TTLL11: variants seen among roughly 807,000 people sequenced by gnomAD.
TTLL11 encodes tubulin polyglutamylase TTLL11.
A neutral mutation model predicts 51.7 loss-of-function variants in TTLL11; 42 were observed. That is an observed-to-expected ratio of 0.81 (90% CI 0.64 to 1.05). The LOEUF is 1.05. Ranked by LOEUF, TTLL11 falls within the 50% of genes least tolerant of loss-of-function variation. TTLL11 has a pLI of 0.00. For missense variants in TTLL11, 799 were observed against 940.4 expected, an observed-to-expected ratio of 0.85 and a Z score of 1.97; for synonymous variants, 381 against 383.5, an observed-to-expected ratio of 0.99 and a Z score of 0.08.
At chr9:121,916,120 G>T (rs1462639151) in intron 6 of TTLL11, among the ~76,000 whole-genome samples, 1 of 151,684 alleles carries the variant, frequency 6.6e-6, no homozygotes, top group Non-Finnish European at 1.5e-5. Flanking sequence ...ATTATAAAAA[G>T]AATGAAAATG....
intron 4 of TTLL11, among the ~76,000 whole-genome samples, chr9:121,985,693 A>G (rs1275675025): frequency 6.6e-6 from 1 of 150,498 alleles, no homozygotes; most frequent in Non-Finnish European, 1.5e-5. Context: ...ATTTTTTGTA[A>G]TTTTTTTTAG....
At chr9:121,882,111 G>A (rs973055120) in intron 6 of TTLL11, among the ~76,000 whole-genome samples, 1 of 152,208 alleles carries the variant, frequency 6.6e-6, no homozygotes, top group African/African-American at 2.4e-5. Context: ...AGTGTTAGCT[G>A]CTGTGACTGA....
intron 6 of TTLL11, among the ~76,000 whole-genome samples, chr9:121,886,941 GTAT>G (rs1374630946): frequency 4.6e-5 from 7 of 152,196 alleles, no homozygotes; most frequent in African/African-American, 1.7e-4. Flanking sequence ...GCCACAGGGA[GTAT>G]CTCCCTTTGA....
intron 1 of TTLL11, among the ~76,000 whole-genome samples, chr9:122,046,784 T>C (rs1845016811): frequency 1.3e-5 from 2 of 152,048 alleles, no homozygotes; most frequent in Admixed American, 1.3e-4. Flanking sequence ...CCTCAGGAGA[T>C]AGAGATGAGG....
chr9:121,846,986 G>A (rs4446794), intron 8 of TTLL11, among the ~76,000 whole-genome samples: 79,837 of 152,024 alleles, frequency 0.53, 21,721 homozygotes, highest in East Asian at 0.72. Flanking sequence ...CGAGGCGGGC[G>A]GATCACGAGG....
chr9:121,909,048 A>T (rs144197592), intron 6 of TTLL11, among the ~76,000 whole-genome samples: 119 of 152,302 alleles, frequency 7.8e-4, no homozygotes, highest in African/African-American at 2.8e-3. Flanking sequence ...CATTCAACCC[A>T]TAACAGTTAG....
intron 4 of TTLL11, among the ~76,000 whole-genome samples, chr9:121,986,442 T>G (rs759099420): frequency 6.6e-6 from 1 of 152,226 alleles, no homozygotes; most frequent in Non-Finnish European, 1.5e-5. Flanking sequence ...TTGCAACTTA[T>G]CTCCTTGACC....
chr9:122,023,648 C>A (rs1844240183), intron 3 of TTLL11, among the ~76,000 whole-genome samples: 1 of 151,310 alleles, frequency 6.6e-6, no homozygotes, highest in Non-Finnish European at 1.5e-5. Flanking sequence ...ATTTAAAAAT[C>A]AACCAATGTA....
intron 3 of TTLL11, among the ~76,000 whole-genome samples, chr9:122,000,471 CAAAAAAAA>C (rs57775265): frequency 1.3e-4 from 3 of 22,820 alleles, no homozygotes; most frequent in South Asian, 2.7e-3. Flanking sequence ...GACTCCGTCG[CAAAAAAAA>C]AAAAAAAAAA....
intron 6 of TTLL11, among the ~76,000 whole-genome samples, chr9:121,891,092 C>A (rs1216601278): frequency 6.6e-6 from 1 of 152,216 alleles, no homozygotes; most frequent in Non-Finnish European, 1.5e-5. Flanking sequence ...CTGTTTTTAA[C>A]CCCTTTTGAA....
chr9:121,895,169 T>C (rs1485545288), intron 6 of TTLL11, among the ~76,000 whole-genome samples: 1 of 152,236 alleles, frequency 6.6e-6, no homozygotes, highest in Non-Finnish European at 1.5e-5. Flanking sequence ...CCTACAGAGT[T>C]TTCAGAATCC....
chr9:121,851,021 T>C (rs939977323), intron 8 of TTLL11, among the ~76,000 whole-genome samples: 2 of 151,958 alleles, frequency 1.3e-5, no homozygotes, highest in African/African-American at 4.8e-5. Context: ...TAAAAAGAAA[T>C]GAGCTGGCAA....
intron 7 of TTLL11, among the ~76,000 whole-genome samples, chr9:121,867,967 T>C (rs1838230594): frequency 6.6e-6 from 1 of 152,092 alleles, no homozygotes; most frequent in Non-Finnish European, 1.5e-5. Context: ...TAGCATAACT[T>C]TGAGATAGAA....
rs1046843828 is a variant in TTLL11 at position 121,932,137 on chromosome 9, C to A, written c.1481+41872G>T. 2.0e-5 allele frequency among the ~76,000 whole-genome samples: 3 copies of A among 152,118 alleles called. No homozygotes were observed. The East Asian group carries it at 5.8e-4, about 29-fold the overall frequency. ...CTGCATATTCTATTTATCTCCATTA[C>A]GAGCCTATGAGTTCTTGAGAGTTGA... On this transcript the variant is annotated intron_variant, in intron 6 of 8. Transcript: ENST00000321582.
At chr9:122,020,345 A>T (rs13297079) in intron 3 of TTLL11, among the ~76,000 whole-genome samples, 55,770 of 152,044 alleles carry the variant, frequency 0.37, 11,453 homozygotes, top group African/African-American at 0.55. Context: ...GCCCTGTCCA[A>T]CCCTGCTCCC....
At chr9:121,886,575 C>G (rs936362164) in intron 6 of TTLL11, among the ~76,000 whole-genome samples, 1 of 152,144 alleles carries the variant, frequency 6.6e-6, no homozygotes, top group Non-Finnish European at 1.5e-5. Context: ...CTGCGGACAC[C>G]CTGCTCTCAG....
intron 6 of TTLL11, among the ~76,000 whole-genome samples, chr9:121,879,088 G>T (rs948911497): frequency 1.3e-5 from 2 of 152,198 alleles, no homozygotes; most frequent in South Asian, 4.1e-4. Flanking sequence ...ACTGGTGTTA[G>T]GATTAGCAGA....
intron 1 of TTLL11, among the ~76,000 whole-genome samples, chr9:122,067,229 GAATT>G (rs955900409): frequency 6.6e-6 from 1 of 152,132 alleles, no homozygotes; most frequent in East Asian, 1.9e-4. Flanking sequence ...GGATTTGTAA[GAATT>G]AATAAAATAA....
intron 8 of TTLL11, among the ~76,000 whole-genome samples, chr9:121,846,148 A>G (rs1035929716): frequency 2.6e-5 from 4 of 152,242 alleles, no homozygotes; most frequent in Admixed American, 6.5e-5. Context: ...TATTAATTTC[A>G]GACAAAGCAG....
Sources: gnomAD v4.1 joint callset for allele counts (sites outside exome capture counted in the v4.1 genomes callset) on GRCh38, gnomAD v4.1.1 for gene constraint, MANE v1.5 for transcripts, NCBI Gene and HGNC (gene_info 2026-07-23, HGNC 2026-07-21) for gene names.